Variants in OR4A5 observed in about 807,000 individuals in gnomAD.
OR4A5 encodes olfactory receptor family 4 subfamily A member 5.
For missense variants in OR4A5, 684 were observed against 381.6 expected, an observed-to-expected ratio of 1.79 and a Z score of -6.60; for synonymous variants, 245 against 138.5, an observed-to-expected ratio of 1.77 and a Z score of -5.40.
chr11:54,707,644 A>G lies in OR4A5; in HGVS notation c.760A>G (p.Ile254Val), dbSNP rs762965321. ...VVLFFVPCIFIYVRPVSNFPT... is the reference protein window; with the variant it reads ...VVLFFVPCIFVYVRPVSNFPT... ...CCTCTTTTTTGTACCCTGTATTTTC[A>G]TATATGTTAGACCTGTTTCAAACTT... Residue 254 changes from isoleucine to valine, a missense_variant, in exon 1 of 1, where the codon ATA becomes GTA. Physicochemically the swap from Ile to Val is conservative, Grantham distance 29 (BLOSUM62 3). Transcript: ENST00000319760. 7 of 1,611,574 alleles carry G rather than the reference A, an allele frequency of 4.3e-6. No homozygotes were observed. The highest frequency in any genetic ancestry group is 5.1e-6 in the Non-Finnish European group (6 of 1,179,120).
rs1565034711 is a variant in OR4A5 at position 54,706,962 on chromosome 11, TG to T, written c.79del (p.Val27SerfsTer9). The T allele has an allele frequency of 6.2e-7, 1 of 1,613,220 alleles. No individual in the cohort carries two copies. Among genetic ancestry groups the T allele is most frequent in the South Asian group, 1.1e-5 (1 of 91,056 alleles). ...ATCCTGGTGTGCAAAAAGCATTATT[TG>T]TCATGTTTTTACTCACATACTTGGT... ...QDPGVQKALF[V>X]MFLLTYLVTV... On this transcript the variant is annotated frameshift_variant, in exon 1 of 1. Transcript: ENST00000319760. LOFTEE classifies it low-confidence loss of function (END_TRUNC).
rs779304804 is a variant in OR4A5 at position 54,707,445 on chromosome 11, T to G, written c.561T>G (p.Thr187=). 16 of 1,613,412 alleles carry G rather than the reference T, an allele frequency of 9.9e-6. No homozygotes were observed. Among genetic ancestry groups the G allele is most frequent in the Non-Finnish European group, 1.3e-5 (15 of 1,179,836 alleles). The change falls in exon 1 of 1, where the codon ACT becomes ACG. Residue 187 remains threonine (T), a synonymous_variant. Coordinates refer to ENST00000319760, the MANE Select transcript of OR4A5 (RefSeq NM_001005272.3). ...DMHPLLELAC[T]DTYFIGLTVV... ...ACCCATTACTGGAACTGGCATGCAC[T>G]GACACCTACTTTATAGGCCTCACTG...
At position 54,707,629 on chromosome 11, in the gene OR4A5, G is replaced by A. The variant is rs1762885397; in HGVS notation, c.745G>A (p.Val249Ile). The A allele has an allele frequency of 1.2e-6, 2 of 1,611,246 alleles. No individual in the cohort carries two copies. The highest frequency in any genetic ancestry group is 1.7e-6 in the Non-Finnish European group (2 of 1,179,048). Reference sequence around the variant, plus strand: ...CAGTACCGTTGTTGTCCTCTTTTTTGTACCCTGTATTTTCATATATGTTAG... The same window carrying A: ...CAGTACCGTTGTTGTCCTCTTTTTTATACCCTGTATTTTCATATATGTTAG... The part of the protein sequence containing the change: ...SGSTVVVLFF[V>I]PCIFIYVRPV... The change falls in exon 1 of 1, where the codon GTA becomes ATA. Residue 249 changes from valine to isoleucine, a missense_variant. Transcript: ENST00000319760.
Position 54,707,155 on chromosome 11 carries a change from TC to T in OR4A5, c.273del (p.Phe92SerfsTer10). On this transcript the variant is annotated frameshift_variant, in exon 1 of 1. Transcript: ENST00000319760. LOFTEE classifies it low-confidence loss of function (END_TRUNC). ...VGLFCDKKTI[S>X]FQGCMGQLFI... ...CTTATTCTGTGATAAAAAGACTATT[TC>T]CTTCCAAGGTTGCATGGGCCAGCTA... 4 of 1,613,726 alleles carry T rather than the reference TC, an allele frequency of 2.5e-6. No individual in the cohort carries two copies. The Middle Eastern group carries it at 5.0e-4, about 200-fold the overall frequency.
Position 54,707,576 on chromosome 11 carries a change from G to A in OR4A5, c.692G>A (p.Gly231Asp), listed in dbSNP as rs5029500. The change falls in exon 1 of 1, where the codon GGT becomes GAT. Residue 231 changes from glycine to aspartate, a missense_variant. Coordinates refer to ENST00000319760, the MANE Select transcript of OR4A5 (RefSeq NM_001005272.3). ...AAAACTTACAGTCAGGAAAAGAGGG[G>A]TAAAGCCTTGTCTACCTGCAGCTCC... ...SLKTYSQEKR[G>D]KALSTCSSGS... 3.8e-5 allele frequency: 61 copies of A among 1,613,384 alleles called. No homozygotes were observed. In the African/African-American group the frequency reaches 4.1e-4, roughly 11 times the overall value.
chr11:54,707,543 G>A lies in OR4A5; in HGVS notation c.659G>A (p.Ser220Asn). ...LLLISYGVIL[S>N]SLKTYSQEKR... ...TTAATCTCCTATGGAGTCATCCTAA[G>A]CTCCCTTAAAACTTACAGTCAGGAA... Residue 220 changes from serine (S) to asparagine (N), a missense_variant, in exon 1 of 1, where the codon AGC becomes AAC. By Grantham distance (46) the Ser-to-Asn change is conservative. Coordinates refer to ENST00000319760, the MANE Select transcript of OR4A5 (RefSeq NM_001005272.3). The A allele has an allele frequency of 1.9e-6, 3 of 1,613,574 alleles. No homozygotes were observed. The highest frequency in any genetic ancestry group is 2.5e-6 in the Non-Finnish European group (3 of 1,179,830).
Position 54,707,320 on chromosome 11 carries a change from G to A in OR4A5, c.436G>A (p.Ala146Thr). The change falls in exon 1 of 1, where the codon GCC (alanine) becomes ACC (threonine). Residue 146 changes from alanine to threonine, a missense_variant. Ala to Thr is a moderately conservative substitution (Grantham distance 58). Transcript: ENST00000319760. ...GGTTTGCTTCCTTCTGTTGGTGGTG[G>A]CCATGATTGGAGGTTTTGTACATTC... The part of the protein sequence containing the change: ...RQVCFLLLVV[A>T]MIGGFVHSAF... The A allele has an allele frequency of 6.2e-7, 1 of 1,613,714 alleles. No individual in the cohort carries two copies. Among genetic ancestry groups the A allele is most frequent in the Non-Finnish European group, 8.5e-7 (1 of 1,179,888 alleles).
Position 54,707,509 on chromosome 11 carries a change from A to T in OR4A5, c.625A>T (p.Asn209Tyr). 1.2e-6 allele frequency: 2 copies of T among 1,613,612 alleles called. No individual in the cohort carries two copies. Among genetic ancestry groups the T allele is most frequent in the Non-Finnish European group, 8.5e-7 (1 of 1,179,860 alleles). Reference sequence around the variant, plus strand: ...TGGAGCAATCTGTATGGTCATTTTCAACCTTCTGTTAATCTCCTATGGAGT... The same window carrying T: ...TGGAGCAATCTGTATGGTCATTTTCTACCTTCTGTTAATCTCCTATGGAGT... ...NSGAICMVIF[N>Y]LLLISYGVIL... Residue 209 changes from asparagine to tyrosine, a missense_variant, in exon 1 of 1, where the codon AAC (asparagine) becomes TAC (tyrosine). Physicochemically the swap from Asn to Tyr is moderately radical, Grantham distance 143. Coordinates refer to ENST00000319760, the MANE Select transcript of OR4A5 (RefSeq NM_001005272.3).
rs567373135 is a variant in OR4A5, at chr11:54,707,414, A to G, written c.530A>G (p.Asp177Gly). 51 of 1,613,450 alleles carry G rather than the reference A, an allele frequency of 3.2e-5. No homozygotes were observed. Among genetic ancestry groups the G allele is most frequent in the Non-Finnish European group, 4.3e-5 (51 of 1,179,854 alleles). ...AATGTCATTGTTCATTTCAGTTGTG[A>G]CATGCACCCATTACTGGAACTGGCA... ...GPNVIVHFSC[D>G]MHPLLELACT... Residue 177 changes from aspartate (D) to glycine (G), a missense_variant, in exon 1 of 1, where the codon GAC (aspartate) becomes GGC (glycine). Transcript: ENST00000319760.
At position 54,707,106 on chromosome 11, in the gene OR4A5, C is replaced by G. The variant is rs1457793973; in HGVS notation, c.222C>G (p.Thr74=). Residue 74 remains threonine (T), a synonymous_variant, in exon 1 of 1, where the codon ACC becomes ACG. Coordinates refer to ENST00000319760, the MANE Select transcript of OR4A5 (RefSeq NM_001005272.3). ...TTATAGATGCTGCATATTCCACTAC[C>G]ATTTCTCCCAAGTTAATTGTAGGCT... is the stretch of plus-strand genomic sequence containing the variant. ...LSFIDAAYST[T]ISPKLIVGLF... is the part of the protein sequence containing the mutation. The G allele has an allele frequency of 6.2e-7, 1 of 1,613,668 alleles. No homozygotes were observed. The highest frequency in any genetic ancestry group is 8.5e-7 in the Non-Finnish European group (1 of 1,179,844).
Position 54,707,898 on chromosome 11 carries a change from T to A in OR4A5, c.*66T>A, listed in dbSNP as rs1854068835. On this transcript the variant is annotated 3_prime_UTR_variant, in exon 1 of 1. Coordinates refer to ENST00000319760, the MANE Select transcript of OR4A5 (RefSeq NM_001005272.3). The stretch of plus-strand genomic sequence containing the variant: ...CAGGTTTCTAAGGGCAAGTCAAGGA[T>A]CCCAAAGAAAGAAGACAGGATTTGG... 1.4e-6 allele frequency: 1 copy of A among 704,550 alleles called. No homozygotes were observed. 43.6% of individuals were successfully genotyped at this position (704,550 alleles called of 1,614,324 possible). A position where few individuals can be genotyped will look rare whatever the true frequency, so the allele number is the denominator to read the frequency against.
chr11:54,707,066 T>C lies in OR4A5; in HGVS notation c.182T>C (p.Leu61Pro), dbSNP rs201975851. 4.3e-6 allele frequency: 7 copies of C among 1,613,742 alleles called. No homozygotes were observed. In the East Asian group the frequency reaches 1.6e-4, roughly 36 times the overall value. Residue 61 changes from leucine to proline, a missense_variant, in exon 1 of 1, where the codon CTT (leucine) becomes CCT (proline). Coordinates refer to ENST00000319760, the MANE Select transcript of OR4A5 (RefSeq NM_001005272.3). ...TTGGGTTCCCCAATGTATTTCTTCC[T>C]TGCCTGCCTGTCATTTATAGATGCT... ...PSLGSPMYFF[L>P]ACLSFIDAAY...
chr11:54,707,442 C>A lies in OR4A5; in HGVS notation c.558C>A (p.Cys186Ter). Reference sequence around the variant, plus strand: ...TGCACCCATTACTGGAACTGGCATGCACTGACACCTACTTTATAGGCCTCA... The same window carrying A: ...TGCACCCATTACTGGAACTGGCATGAACTGACACCTACTTTATAGGCCTCA... ...CDMHPLLELA[C>*]TDTYFIGLTV... Residue 186 changes from cysteine to a stop codon, truncating the protein, a stop_gained, in exon 1 of 1, where the codon TGC (cysteine) becomes TGA (stop). Transcript: ENST00000319760. LOFTEE classifies it low-confidence loss of function (END_TRUNC). 6.2e-7 allele frequency: 1 copy of A among 1,613,460 alleles called. No homozygotes were observed. The highest frequency in any genetic ancestry group is 2.2e-5 in the East Asian group (1 of 44,672).
chr11:54,706,976 T>C lies in OR4A5; in HGVS notation c.92T>C (p.Leu31Pro), dbSNP rs1172652333. 1.2e-6 allele frequency: 2 copies of C among 1,613,340 alleles called. No individual in the cohort carries two copies. Among genetic ancestry groups the C allele is most frequent in the South Asian group, 1.1e-5 (1 of 91,058 alleles). ...AAAGCATTATTTGTCATGTTTTTAC[T>C]CACATACTTGGTGACAGTGGTGGGG... The part of the protein sequence containing the change: ...VQKALFVMFL[L>P]TYLVTVVGNL... Residue 31 changes from leucine (L) to proline (P), a missense_variant, in exon 1 of 1, where the codon CTC becomes CCC. Leu to Pro is a moderately conservative substitution (Grantham distance 98, BLOSUM62 -3). Coordinates refer to ENST00000319760, the MANE Select transcript of OR4A5 (RefSeq NM_001005272.3).
Position 54,707,638 on chromosome 11 carries a change from A to G in OR4A5, c.754A>G (p.Ile252Val). The change falls in exon 1 of 1, where the codon ATT becomes GTT. Residue 252 changes from isoleucine to valine, a missense_variant. Ile to Val is a conservative substitution (Grantham distance 29). Coordinates refer to ENST00000319760, the MANE Select transcript of OR4A5 (RefSeq NM_001005272.3). Reference sequence around the variant, plus strand: ...TGTTGTCCTCTTTTTTGTACCCTGTATTTTCATATATGTTAGACCTGTTTC... The same window carrying G: ...TGTTGTCCTCTTTTTTGTACCCTGTGTTTTCATATATGTTAGACCTGTTTC... The part of the protein sequence containing the change: ...TVVVLFFVPC[I>V]FIYVRPVSNF... The G allele has an allele frequency of 6.2e-7, 1 of 1,611,472 alleles. No homozygotes were observed. Among genetic ancestry groups the G allele is most frequent in the South Asian group, 1.1e-5 (1 of 90,754 alleles).
At position 54,707,431 on chromosome 11, in the gene OR4A5, G is replaced by A; in HGVS notation, c.547G>A (p.Glu183Lys). ...HFSCDMHPLL[E>K]LACTDTYFIG... ...CAGTTGTGACATGCACCCATTACTG[G>A]AACTGGCATGCACTGACACCTACTT... is the stretch of plus-strand genomic sequence containing the variant. The change falls in exon 1 of 1, where the codon GAA (glutamate) becomes AAA (lysine). Residue 183 changes from glutamate to lysine, a missense_variant. By Grantham distance (56) the Glu-to-Lys change is moderately conservative. Coordinates refer to ENST00000319760, the MANE Select transcript of OR4A5 (RefSeq NM_001005272.3). 1 of 1,613,414 alleles carries A rather than the reference G, an allele frequency of 6.2e-7. No individual in the cohort carries two copies. The highest frequency in any genetic ancestry group is 8.5e-7 in the Non-Finnish European group (1 of 1,179,832).
rs1230696930 is a variant in OR4A5 at position 54,707,762 on chromosome 11, A to G, written c.878A>G (p.Asn293Ser). The change falls in exon 1 of 1, where the codon AAT becomes AGT. Residue 293 changes from asparagine to serine, a missense_variant. Coordinates refer to ENST00000319760, the MANE Select transcript of OR4A5 (RefSeq NM_001005272.3). Reference sequence around the variant, plus strand: ...ACGTTGAGAAATTCAGAGATGAGAAATGCTATAGAAAAACTCTTGGGTAAA... The same window carrying G: ...ACGTTGAGAAATTCAGAGATGAGAAGTGCTATAGAAAAACTCTTGGGTAAA... ...IYTLRNSEMRNAIEKLLGKKL... is the reference protein window; with the variant it reads ...IYTLRNSEMRSAIEKLLGKKL... 1.9e-6 allele frequency: 3 copies of G among 1,587,332 alleles called. No homozygotes were observed. In the Admixed American group the frequency reaches 5.3e-5, roughly 28 times the overall value.
chr11:54,707,422 C>G lies in OR4A5; in HGVS notation c.538C>G (p.Pro180Ala). ...VIVHFSCDMH[P>A]LLELACTDTY... The stretch of plus-strand genomic sequence containing the variant: ...TGTTCATTTCAGTTGTGACATGCAC[C>G]CATTACTGGAACTGGCATGCACTGA... The change falls in exon 1 of 1, where the codon CCA (proline) becomes GCA (alanine). Residue 180 changes from proline to alanine, a missense_variant. Physicochemically the swap from Pro to Ala is conservative, Grantham distance 27. Transcript: ENST00000319760. 1 of 1,613,390 alleles carries G rather than the reference C, an allele frequency of 6.2e-7. No homozygotes were observed. Among genetic ancestry groups the G allele is most frequent in the South Asian group, 1.1e-5 (1 of 91,052 alleles).
Position 54,707,172 on chromosome 11 carries a change from G to A in OR4A5, c.288G>A (p.Met96Ile), listed in dbSNP as rs148710182. 3 of 1,613,730 alleles carry A rather than the reference G, an allele frequency of 1.9e-6. No individual in the cohort carries two copies. Among genetic ancestry groups the A allele is most frequent in the South Asian group, 1.1e-5 (1 of 91,078 alleles). ...DKKTISFQGC[M>I]GQLFIDHFFG... ...AGACTATTTCCTTCCAAGGTTGCAT[G>A]GGCCAGCTATTTATAGACCATTTCT... Residue 96 changes from methionine to isoleucine, a missense_variant, in exon 1 of 1, where the codon ATG becomes ATA. Transcript: ENST00000319760.
Sources: gnomAD v4.1 joint callset for allele counts on GRCh38, gnomAD v4.1.1 for gene constraint, MANE v1.5 for transcripts, NCBI Gene and HGNC (gene_info 2026-07-23, HGNC 2026-07-21) for gene names.